KCNC2: variants seen among roughly 807,000 people sequenced by gnomAD.
The protein encoded by KCNC2 is voltage-gated potassium channel KCNC2.
In KCNC2, 21 loss-of-function variants were observed where a neutral mutation model predicts 44.5. The observed-to-expected ratio is 0.47, with a 90% CI of 0.33 to 0.68. The LOEUF (loss-of-function observed/expected upper bound fraction) is 0.68. KCNC2 is among the 30% of genes least tolerant of loss of function. KCNC2 has a pLI of 0.01. For synonymous variants in KCNC2, 391 were observed against 339.1 expected (o/e 1.15, Z -1.68); for missense variants, 589 against 826.2 (o/e 0.71, Z 3.52).
Position 75,186,831 on chromosome 12 carries a change from A to G in KCNC2, c.687+20466T>C, listed in dbSNP as rs116205497. Among the ~76,000 whole-genome samples the G allele has an allele frequency of 8.1e-3, 1,237 of 152,304 alleles. 15 individuals are homozygous for G. The highest frequency in any genetic ancestry group is 0.029 in the African/African-American group (1,185 of 41,566). On this transcript the variant is annotated intron_variant, in intron 2 of 4. Transcript: ENST00000549446. ...AAAACTCTCAAATGTTGTCTTAAAT[A>G]ATGGCCAAGCTCAAAAACATACAAT...
At chr12:75,094,506 T>C (rs1016154691) in intron 2 of KCNC2, among the ~76,000 whole-genome samples, 1 of 151,762 alleles carries the variant, frequency 6.6e-6, no homozygotes, top group South Asian at 2.1e-4. Flanking sequence ...AGCAAAATTC[T>C]AATTCTCCTC....
intron 2 of KCNC2, among the ~76,000 whole-genome samples, chr12:75,139,400 G>A (rs887816275): frequency 8.5e-4 from 129 of 152,312 alleles, no homozygotes; most frequent in African/African-American, 3.0e-3. Context: ...AACTGTGAGC[G>A]ATGCTCTGCT....
intron 2 of KCNC2, among the ~76,000 whole-genome samples, chr12:75,192,361 G>A (rs1034328812): frequency 6.6e-6 from 1 of 152,120 alleles, no homozygotes; most frequent in African/African-American, 2.4e-5. Context: ...TCTACATAAT[G>A]GGGACTTAGC....
chr12:75,203,723 A>G (rs996647976), intron 2 of KCNC2, among the ~76,000 whole-genome samples: 3 of 151,976 alleles, frequency 2.0e-5, no homozygotes, highest in Admixed American at 2.0e-4. Context: ...GCTGAATTCA[A>G]TCATCTCCCC....
chr12:75,183,341 T>C (rs1414551601), intron 2 of KCNC2, among the ~76,000 whole-genome samples: 1 of 152,234 alleles, frequency 6.6e-6, no homozygotes, highest in Non-Finnish European at 1.5e-5. Flanking sequence ...GACGTGCTTC[T>C]ACAACCAGGA....
chr12:75,042,645 G>C lies in KCNC2; in HGVS notation c.*460C>G. The C allele has an allele frequency of 1.6e-6, 2 of 1,230,856 alleles. No individual in the cohort carries two copies. The highest frequency in any genetic ancestry group is 2.0e-6 in the Non-Finnish European group (2 of 983,568). 76.2% of individuals were successfully genotyped at this position (1,230,856 alleles called of 1,614,324 possible). On this transcript the variant is annotated 3_prime_UTR_variant, in exon 5 of 5. Coordinates refer to ENST00000549446, the MANE Select transcript of KCNC2 (RefSeq NM_139137.4). ...TCTGCAACATTGCTTTCAGGTGATA[G>C]AGACAAGATGGTCCATGCAAATGAG...
chr12:75,182,395 T>C (rs1047272634), intron 2 of KCNC2, among the ~76,000 whole-genome samples: 15 of 150,264 alleles, frequency 1.0e-4, no homozygotes, highest in Admixed American at 2.0e-4. Flanking sequence ...TGGTGGCGGG[T>C]GCCTGTAGTC....
intron 4 of KCNC2, 135 bp from the exon 5 acceptor site, chr12:75,043,376 G>A (rs1285047404): frequency 1.4e-6 from 2 of 1,411,358 alleles, no homozygotes; most frequent in Non-Finnish European, 1.8e-6. Flanking sequence ...TTAATATTGA[G>A]ACAATTTATA....
chr12:75,177,919 AGT>A (rs1048891083), intron 2 of KCNC2, among the ~76,000 whole-genome samples: 8 of 152,104 alleles, frequency 5.3e-5, no homozygotes, highest in African/African-American at 1.9e-4. Flanking sequence ...AAAGAAGAAA[AGT>A]GGAAAATAAT....
chr12:75,046,575 A>C (rs1052773776), intron 4 of KCNC2, among the ~76,000 whole-genome samples: 5 of 151,838 alleles, frequency 3.3e-5, no homozygotes, highest in Admixed American at 3.3e-4. Context: ...TGCACTTGGA[A>C]CAGCATGTTC....
In KCNC2 at chr12:75,209,570, G is replaced by A. The variant is rs1230559216; in HGVS notation, c.-383C>T. The A allele has an allele frequency of 2.0e-5, 3 of 152,260 alleles. No individual in the cohort carries two copies. Among genetic ancestry groups the A allele is most frequent in the Non-Finnish European group, 4.4e-5 (3 of 68,108 alleles). 9.4% of individuals were successfully genotyped at this position (152,260 alleles called of 1,614,324 possible). ...GCGGGCAGATCGGCTGGCCGTGAATGGAGTGGAGACTGGCCGCAGGTCAGG... is the reference window on the plus strand; with the variant it reads ...GCGGGCAGATCGGCTGGCCGTGAATAGAGTGGAGACTGGCCGCAGGTCAGG... On this transcript the variant is annotated 5_prime_UTR_variant, in exon 1 of 5. Transcript: ENST00000549446.
At chr12:75,099,816 A>AT (rs1886233778) in intron 2 of KCNC2, among the ~76,000 whole-genome samples, 1 of 152,188 alleles carries the variant, frequency 6.6e-6, no homozygotes, top group South Asian at 2.1e-4. Flanking sequence ...AGTGAACCAA[A>AT]TAACTGTGAG....
intron 2 of KCNC2, among the ~76,000 whole-genome samples, chr12:75,178,085 A>G (rs1048438547): frequency 6.6e-6 from 1 of 152,004 alleles, no homozygotes; most frequent in African/African-American, 2.4e-5. Context: ...TAATCCTCTC[A>G]ACTTGCACAT....
chr12:75,098,137 T>C (rs2137164350), intron 2 of KCNC2, among the ~76,000 whole-genome samples: 1 of 152,260 alleles, frequency 6.6e-6, no homozygotes, highest in African/African-American at 2.4e-5. Flanking sequence ...GATGCTGTTC[T>C]CGGCTAGATA....
intron 1 of KCNC2, 43 bp from the exon 2 acceptor site, chr12:75,208,045 G>A (rs1472284810): frequency 6.3e-7 from 1 of 1,599,204 alleles, no homozygotes; most frequent in Non-Finnish European, 8.5e-7. Flanking sequence ...GATCTTAGCC[G>A]TCAAAGACAC....
chr12:75,136,576 A>G (rs1030669689), intron 2 of KCNC2, among the ~76,000 whole-genome samples: 3 of 152,154 alleles, frequency 2.0e-5, no homozygotes, highest in African/African-American at 7.2e-5. Flanking sequence ...CCTAGAGGAA[A>G]TGGATAAATT....
intron 2 of KCNC2, among the ~76,000 whole-genome samples, chr12:75,105,643 C>T (rs575735218): frequency 2.8e-4 from 42 of 152,114 alleles, no homozygotes; most frequent in Admixed American, 2.4e-3. Flanking sequence ...CCTAAGGAAT[C>T]GAATGTAAAG....
At chr12:75,049,267 T>C (rs1880905439) in intron 3 of KCNC2, among the ~76,000 whole-genome samples, 1 of 152,142 alleles carries the variant, frequency 6.6e-6, no homozygotes, top group Admixed American at 6.6e-5. Context: ...GAGGGACCTA[T>C]GAAAATGATG....
chr12:75,074,912 G>A (rs924109543), intron 2 of KCNC2, among the ~76,000 whole-genome samples: 7 of 152,254 alleles, frequency 4.6e-5, no homozygotes, highest in African/African-American at 9.6e-5. Flanking sequence ...CTAACTAAAC[G>A]GGAGGAAGAG....
Sources: gnomAD v4.1 joint callset for allele counts (sites outside exome capture counted in the v4.1 genomes callset) on GRCh38, gnomAD v4.1.1 for gene constraint, MANE v1.5 for transcripts, NCBI Gene and HGNC (gene_info 2026-07-23, HGNC 2026-07-21) for gene names.